THAP4: variants seen among roughly 807,000 people sequenced by gnomAD.
THAP4 encodes the protein THAP domain containing 4.
THAP4 carries 18 observed loss-of-function variants against 48.1 expected under a neutral mutation model. That is an observed-to-expected ratio of 0.37 (90% CI 0.26 to 0.56). The LOEUF is 0.56. THAP4 is among the 20% of genes least tolerant of loss of function. THAP4 has a pLI of 0.78. For synonymous variants in THAP4, 345 were observed against 324.9 expected (o/e 1.06, Z -0.66); for missense variants, 656 against 774.9 (o/e 0.85, Z 1.82).
At chr2:241,594,929 C>T (rs978445757) in intron 5 of THAP4, among the ~76,000 whole-genome samples, 2 of 152,108 alleles carry the variant, frequency 1.3e-5, no homozygotes, top group Non-Finnish European at 2.9e-5. Context: ...CTGAAATTAA[C>T]TGTAGTGATG....
chr2:241,606,560 G>T, intron 2 of THAP4, 87 bp from the exon 3 acceptor site: 2 of 1,303,144 alleles, frequency 1.5e-6, no homozygotes, highest in Non-Finnish European at 2.0e-6. Flanking sequence ...CCATATCGAC[G>T]CTTGCTTCTG....
At chr2:241,611,466 T>TA (rs1488625750) in intron 2 of THAP4, among the ~76,000 whole-genome samples, 11 of 152,210 alleles carry the variant, frequency 7.2e-5, no homozygotes, top group African/African-American at 2.7e-4. Context: ...CTCACGCCTA[T>TA]AATCCCAGCA....
chr2:241,616,904 G>A lies in THAP4; in HGVS notation c.1241-10431C>T, dbSNP rs1054463886. Among the ~76,000 whole-genome samples the A allele has an allele frequency of 3.3e-5, 5 of 151,700 alleles. No individual in the cohort carries two copies. The highest frequency in any genetic ancestry group is 7.3e-5 in the African/African-American group (3 of 41,282). On this transcript the variant is annotated intron_variant, in intron 2 of 5. Coordinates refer to ENST00000407315, the MANE Select transcript of THAP4 (RefSeq NM_015963.6). This position sits in a 1 kb window ranked among gnomAD's most constrained non-coding sequence, Gnocchi z 4.6. Reference sequence around the variant, plus strand: ...ACAGGTCAGGCAGTAAACAAGCAGCGGCGGCGCCTCCTTCTGTCTACACTG... The same window carrying A: ...ACAGGTCAGGCAGTAAACAAGCAGCAGCGGCGCCTCCTTCTGTCTACACTG...
chr2:241,620,390 CAGTG>C (rs1194272235), intron 2 of THAP4, among the ~76,000 whole-genome samples: 1 of 59,926 alleles, frequency 1.7e-5, no homozygotes, highest in Non-Finnish European at 3.1e-5. Context: ...GTGAGTGAGT[CAGTG>C]AGTGAGGGGA....
chr2:241,613,412 A>G (rs140227947), intron 2 of THAP4, among the ~76,000 whole-genome samples: 1,711 of 152,286 alleles, frequency 0.011, 34 homozygotes, highest in African/African-American at 0.039. Context: ...TGTCCCTGAG[A>G]GCTGACACCA....
intron 2 of THAP4, among the ~76,000 whole-genome samples, chr2:241,628,293 C>T (rs1211965041): frequency 1.3e-5 from 2 of 151,936 alleles, no homozygotes; most frequent in South Asian, 2.1e-4. Context: ...GAACCACACT[C>T]GACCCCCCAA....
At chr2:241,613,846 C>T (rs1238462798) in intron 2 of THAP4, among the ~76,000 whole-genome samples, 1 of 151,936 alleles carries the variant, frequency 6.6e-6, no homozygotes, top group Non-Finnish European at 1.5e-5. Context: ...AATGCTTGAA[C>T]TTACATATGA....
intron 5 of THAP4, among the ~76,000 whole-genome samples, chr2:241,588,884 C>T (rs907044376): frequency 2.0e-5 from 3 of 152,096 alleles, no homozygotes; most frequent in African/African-American, 7.2e-5. Context: ...ACACAAAAAG[C>T]ACTGACTAGA....
intron 2 of THAP4, among the ~76,000 whole-genome samples, chr2:241,609,981 C>G (rs1575028039): frequency 6.6e-6 from 1 of 152,260 alleles, no homozygotes; most frequent in East Asian, 1.9e-4. Context: ...CGCTGGGGAG[C>G]AGCGATCCAG....
Position 241,610,869 on chromosome 2 carries a change from TGGGGCCAGAGAC to T in THAP4, c.1241-4408_1241-4397del, listed in dbSNP as rs556940388. ...AGACAGGGCCAGAGAGACACGGGGATGGGGCCAGAGACGGGGCCAGAGACAGAGACACAGAAA... is the reference window on the plus strand; with the variant it reads ...AGACAGGGCCAGAGAGACACGGGGATGGGGCCAGAGACAGAGACACAGAAA... On this transcript the variant is annotated intron_variant, in intron 2 of 5. Transcript: ENST00000407315. This position sits in a 1 kb window ranked among gnomAD's most constrained non-coding sequence, Gnocchi z 4.2. 3.6e-4 allele frequency among the ~76,000 whole-genome samples: 55 copies of T among 151,398 alleles called. 1 individual carries two copies. In the South Asian group the frequency reaches 8.0e-3, roughly 22 times the overall value.
chr2:241,632,381 T>A (rs1224675772), intron 2 of THAP4, among the ~76,000 whole-genome samples: 1 of 152,144 alleles, frequency 6.6e-6, no homozygotes, highest in Non-Finnish European at 1.5e-5. Context: ...ATTACAGGTG[T>A]GAGCCACCGA....
chr2:241,605,205 T>G (rs1341917031), intron 3 of THAP4, among the ~76,000 whole-genome samples: 1 of 152,076 alleles, frequency 6.6e-6, no homozygotes, highest in Non-Finnish European at 1.5e-5. Context: ...TATAAAAAGG[T>G]AGGAGATATT....
chr2:241,616,353 G>A lies in THAP4; in HGVS notation c.1241-9880C>T, dbSNP rs564437465. 1.1e-4 allele frequency among the ~76,000 whole-genome samples: 17 copies of A among 152,340 alleles called. No homozygotes were observed. The South Asian group carries it at 3.3e-3, about 30-fold the overall frequency. ...GAGAAGGGCGGGTGCAGGCGCACGA[G>A]AGCTGAGGGCGAGCCCTGGCATCAG... On this transcript the variant is annotated intron_variant, in intron 2 of 5. Transcript: ENST00000407315. The surrounding 1 kb of genome is among the most constrained non-coding windows in gnomAD (Gnocchi z 4.6).
At chr2:241,602,632 C>T (rs2067129199) in intron 4 of THAP4, among the ~76,000 whole-genome samples, 1 of 152,220 alleles carries the variant, frequency 6.6e-6, no homozygotes, top group South Asian at 2.1e-4. Flanking sequence ...TCCCAAAGTG[C>T]TGGGATTACA....
In THAP4 at chr2:241,632,887, AACATGGGT is replaced by A. The variant is rs768304187; in HGVS notation, c.1240+22_1240+29del. ...GAGAAACCCCTCCTAACGGGAAGGG[AACATGGGT>A]ACGCGAGGCTCCGGTACTGACCGCG... On this transcript the variant is annotated intron_variant, in intron 2 of 5. Transcript: ENST00000407315. The A allele has an allele frequency of 2.0e-6, 3 of 1,525,724 alleles. No individual in the cohort carries two copies. The African/African-American group carries it at 4.2e-5, about 21-fold the overall frequency. 94.5% of individuals were successfully genotyped at this position (1,525,724 alleles called of 1,614,324 possible).
At chr2:241,620,489 AGTGAGTGAGGG>A (rs1434388395) in intron 2 of THAP4, among the ~76,000 whole-genome samples, 1 of 43,300 alleles carries the variant, frequency 2.3e-5, no homozygotes, top group African/African-American at 9.6e-5. Context: ...GTGAGTGAGG[AGTGAGTGAGGG>A]GTGAGTGAGG....
intron 5 of THAP4, among the ~76,000 whole-genome samples, chr2:241,585,930 G>GAAAAAAAAAAAAAAAA (rs1247935159): frequency 2.8e-5 from 3 of 108,994 alleles, no homozygotes; most frequent in East Asian, 3.0e-4. Flanking sequence ...AAAAAAAAAA[G>GAAAAAAAAAAAAAAAA]AAAAAAAAAA....
At chr2:241,608,448 A>G (rs535306263) in intron 2 of THAP4, among the ~76,000 whole-genome samples, 2 of 152,354 alleles carry the variant, frequency 1.3e-5, no homozygotes, top group African/African-American at 2.4e-5. Flanking sequence ...CTCCCGGTGA[A>G]AAGTGGGAAG....
chr2:241,623,127 G>C (rs540570215), intron 2 of THAP4, among the ~76,000 whole-genome samples: 72 of 152,164 alleles, frequency 4.7e-4, no homozygotes, highest in African/African-American at 1.5e-3. Flanking sequence ...AAGGCCTCCT[G>C]AATCACTTGA....
Sources: gnomAD v4.1 joint callset for allele counts (sites outside exome capture counted in the v4.1 genomes callset) on GRCh38, gnomAD v4.1.1 for gene constraint, Gnocchi (gnomAD v3.1) non-coding constraint, MANE v1.5 for transcripts, NCBI Gene and HGNC (gene_info 2026-07-23, HGNC 2026-07-21) for gene names.